Variants in GRIN2B observed in about 807,000 individuals in gnomAD.
GRIN2B encodes the protein glutamate receptor ionotropic, NMDA 2B.
A neutral mutation model predicts 114.5 loss-of-function variants in GRIN2B; 5 were observed. The ratio of observed to expected loss-of-function variants is 0.04; its 90% CI spans 0.02 to 0.09. The LOEUF is 0.09. Among genes scored for constraint, GRIN2B ranks in the 10% least tolerant of loss-of-function variants. The probability of loss-of-function intolerance (pLI) is 1.00; values close to 1 mark genes in which losing one functional copy is unlikely to be tolerated. For synonymous variants in GRIN2B, 787 were observed against 745.1 expected, an observed-to-expected ratio of 1.06 and a Z score of -0.92; for missense variants, 1,108 against 1,943.5, an observed-to-expected ratio of 0.57 and a Z score of 8.08.
At chr12:13,951,829 G>A (rs550016048) in intron 2 of GRIN2B, among the ~76,000 whole-genome samples, 13 of 152,308 alleles carry the variant, frequency 8.5e-5, no homozygotes, top group Admixed American at 7.8e-4. Context: ...TGGTTAACCT[G>A]TGTGGCTTCT....
chr12:13,620,296 C>T (rs1302586488), intron 5 of GRIN2B, among the ~76,000 whole-genome samples: 1 of 152,188 alleles, frequency 6.6e-6, no homozygotes, highest in Non-Finnish European at 1.5e-5. Context: ...GCACAGTTCT[C>T]TTCCTTACGG....
Position 13,865,786 on chromosome 12 carries a change from G to A in GRIN2B, c.411+12C>T. The A allele has an allele frequency of 6.2e-7, 1 of 1,606,312 alleles. No homozygotes were observed. The highest frequency in any genetic ancestry group is 1.7e-5 in the Admixed American group (1 of 60,000). ...AAACCCTCAGGCCCTTCTCCCTGCA[G>A]CCCCTTTTTACCTTATCTGCCATTA... On this transcript the variant is annotated intron_variant, in intron 3 of 13. Transcript: ENST00000609686.
intron 2 of GRIN2B, among the ~76,000 whole-genome samples, chr12:13,975,112 A>G (rs1183567179): frequency 6.6e-6 from 1 of 152,196 alleles, no homozygotes; most frequent in Admixed American, 6.5e-5. Context: ...ACAAAAAAAG[A>G]AGTGCTGGAA....
chr12:13,875,589 C>T (rs1439470689), intron 2 of GRIN2B, among the ~76,000 whole-genome samples: 1 of 151,898 alleles, frequency 6.6e-6, no homozygotes, highest in Non-Finnish European at 1.5e-5. Context: ...TTTCCAAGCC[C>T]CAACCCCCAA....
intron 2 of GRIN2B, among the ~76,000 whole-genome samples, chr12:13,942,161 G>T (rs1218515556): frequency 7.2e-5 from 11 of 152,132 alleles, no homozygotes; most frequent in African/African-American, 2.7e-4. Context: ...AGACTTCATC[G>T]GGGGTCATAA....
intron 3 of GRIN2B, among the ~76,000 whole-genome samples, chr12:13,805,763 T>C (rs1316795270): frequency 6.6e-6 from 1 of 152,208 alleles, no homozygotes; most frequent in Non-Finnish European, 1.5e-5. Flanking sequence ...AAATCTGCTC[T>C]TAACAATTTT....
intron 4 of GRIN2B, among the ~76,000 whole-genome samples, chr12:13,727,152 G>A (rs1863004113): frequency 6.6e-6 from 1 of 152,140 alleles, no homozygotes; most frequent in South Asian, 2.1e-4. Context: ...CTTAACCCTA[G>A]GGATTGTCTA....
At chr12:13,886,306 A>G (rs11055664) in intron 2 of GRIN2B, among the ~76,000 whole-genome samples, 60,942 of 152,044 alleles carry the variant, frequency 0.4, 13,495 homozygotes, top group East Asian at 0.65. Context: ...AATTGCCTCC[A>G]AAGAAGCATC....
At chr12:13,814,181 C>T (rs145596781) in intron 3 of GRIN2B, among the ~76,000 whole-genome samples, 74 of 152,284 alleles carry the variant, frequency 4.9e-4, no homozygotes, top group Non-Finnish European at 7.3e-5. Flanking sequence ...GAACTTAATG[C>T]CTAATGTACA....
intron 5 of GRIN2B, among the ~76,000 whole-genome samples, chr12:13,657,722 A>G (rs773422591): frequency 1.3e-5 from 2 of 152,218 alleles, no homozygotes; most frequent in Non-Finnish European, 2.9e-5. Context: ...TCATGGGATA[A>G]ATACATGAAT....
chr12:13,954,823 A>AAAC (rs1565599381), intron 2 of GRIN2B, among the ~76,000 whole-genome samples: 1 of 147,670 alleles, frequency 6.8e-6, no homozygotes, highest in African/African-American at 2.5e-5. Context: ...AAAAAAAAAA[A>AAAC]AAAAAACTTT....
At chr12:13,824,771 G>T (rs1455886764) in intron 3 of GRIN2B, among the ~76,000 whole-genome samples, 3 of 147,020 alleles carry the variant, frequency 2.0e-5, no homozygotes, top group Non-Finnish European at 3.0e-5. Flanking sequence ...CAGGAGAATT[G>T]CTTGAACCCG....
chr12:13,963,602 T>C (rs150068591), intron 2 of GRIN2B, among the ~76,000 whole-genome samples: 10 of 152,294 alleles, frequency 6.6e-5, no homozygotes, highest in Non-Finnish European at 1.5e-4. Flanking sequence ...ACCTGCGTTT[T>C]ACAGCAGAGG....
intron 3 of GRIN2B, among the ~76,000 whole-genome samples, chr12:13,758,581 T>C (rs1325250405): frequency 6.6e-6 from 1 of 152,218 alleles, no homozygotes; most frequent in Admixed American, 6.5e-5. Context: ...CCTAAGGTAG[T>C]GAGCTCTCTG....
intron 5 of GRIN2B, among the ~76,000 whole-genome samples, chr12:13,632,281 G>A (rs1949621558): frequency 6.6e-6 from 1 of 152,206 alleles, no homozygotes; most frequent in South Asian, 2.1e-4. Context: ...TTCCTATCAG[G>A]CAAAAGCCAC....
intron 10 of GRIN2B, among the ~76,000 whole-genome samples, chr12:13,575,935 G>C (rs1257584317): frequency 6.6e-6 from 1 of 152,154 alleles, no homozygotes; most frequent in Non-Finnish European, 1.5e-5. Context: ...ATTCTTAGTT[G>C]CTTCTATGGA....
intron 2 of GRIN2B, among the ~76,000 whole-genome samples, chr12:13,930,446 C>G (rs1339278843): frequency 6.6e-6 from 1 of 152,080 alleles, no homozygotes; most frequent in African/African-American, 2.4e-5. Context: ...TAGAAGGAGC[C>G]TTTGTGAACT....
In GRIN2B at chr12:13,615,370, AAT is replaced by A; in HGVS notation, c.1501-105_1501-104del. ...GTGGTTTTCTTTGTATAGTGGGAAC[AAT>A]ACATCTTATTTGCCATTTTATATTT... On this transcript the variant is annotated intron_variant, in intron 7 of 13. Coordinates refer to ENST00000609686, the MANE Select transcript of GRIN2B (RefSeq NM_000834.5). This position sits in a 1 kb window ranked among gnomAD's most constrained non-coding sequence, Gnocchi z 5.8. 1 of 1,400,226 alleles carries A rather than the reference AAT, an allele frequency of 7.1e-7. No homozygotes were observed. Among genetic ancestry groups the A allele is most frequent in the South Asian group, 1.2e-5 (1 of 86,552 alleles). The allele number at this position is 1,400,226 out of a possible 1,614,324, so 86.7% of individuals were successfully genotyped here. A position where few individuals can be genotyped will look rare whatever the true frequency, so the allele number is the denominator to read the frequency against.
At chr12:13,568,204 A>G (rs1282245307) in intron 12 of GRIN2B, among the ~76,000 whole-genome samples, 1 of 152,014 alleles carries the variant, frequency 6.6e-6, no homozygotes, top group Non-Finnish European at 1.5e-5. Context: ...ACCAGATGCT[A>G]GGAAGTAGGA....
Sources: allele counts gnomAD v4.1 joint callset (sites outside exome capture counted in the v4.1 genomes callset), GRCh38; gene constraint gnomAD v4.1.1; non-coding constraint Gnocchi (gnomAD v3.1); transcripts MANE v1.5; gene names NCBI Gene and HGNC (gene_info 2026-07-23, HGNC 2026-07-21).